Variants in ELFN1 observed in about 807,000 individuals in gnomAD.
The protein encoded by ELFN1 is protein ELFN1.
A neutral mutation model predicts 7.6 loss-of-function variants in ELFN1; 6 were observed. That is an observed-to-expected ratio of 0.79 (90% CI 0.43 to 1.56). The LOEUF is 1.56. ELFN1 is among the 40% of genes most tolerant of loss of function. ELFN1 has a pLI of 0.01. For missense variants in ELFN1, 1,169 were observed against 1,232.2 expected, an observed-to-expected ratio of 0.95 and a Z score of 0.77; for synonymous variants, 657 against 588.1, an observed-to-expected ratio of 1.12 and a Z score of -1.70.
rs1778816140 is a variant in ELFN1 at position 1,673,907 on chromosome 7, GAGAAGAGC to G, written c.-549+3554_-549+3561del. On this transcript the variant is annotated intron_variant, in intron 1 of 3. Coordinates refer to ENST00000424383, the MANE Select transcript of ELFN1 (RefSeq NM_001128636.4). This position sits in a 1 kb window ranked among gnomAD's most constrained non-coding sequence, Gnocchi z 4.7. ...TGGGGCAGCTGGGGTCTTGGTCTTG[GAGAAGAGC>G]TGGAACCCAGGCTGAGGCAGGAGGG... Among the ~76,000 whole-genome samples the G allele has an allele frequency of 6.6e-6, 1 of 152,206 alleles. No homozygotes were observed. Among genetic ancestry groups the G allele is most frequent in the Non-Finnish European group, 1.5e-5 (1 of 68,038 alleles).
At chr7:1,722,590 C>T (rs1457968853) in intron 3 of ELFN1, among the ~76,000 whole-genome samples, 1 of 151,912 alleles carries the variant, frequency 6.6e-6, no homozygotes. Flanking sequence ...TTTTTCAGTC[C>T]AACTTCCACT....
In ELFN1 at chr7:1,705,237, G is replaced by C. The variant is rs780351613; in HGVS notation, c.-455-3854G>C. On this transcript the variant is annotated intron_variant, in intron 2 of 3. Coordinates refer to ENST00000424383, the MANE Select transcript of ELFN1 (RefSeq NM_001128636.4). The surrounding 1 kb of genome is among the most constrained non-coding windows in gnomAD (Gnocchi z 4.3). ...GGGCGGCACAGCTGTGCGGGAGGCT[G>C]GGCTGCTGGCATCAGCAGGCGCCCC... Among the ~76,000 whole-genome samples, 1 of 152,124 alleles carries C rather than the reference G, an allele frequency of 6.6e-6. No individual in the cohort carries two copies. The highest frequency in any genetic ancestry group is 1.5e-5 in the Non-Finnish European group (1 of 68,010).
At position 1,721,818 on chromosome 7, in the gene ELFN1, C is replaced by T. The variant is rs149273050; in HGVS notation, c.-294+12566C>T. ...GGCAGAGGGAGGTCCTGGAAGGGAA[C>T]GAGAAGGCCCAAGCTCAAGTCTCCC... On this transcript the variant is annotated intron_variant, in intron 3 of 3. Coordinates refer to ENST00000424383, the MANE Select transcript of ELFN1 (RefSeq NM_001128636.4). Among the ~76,000 whole-genome samples the T allele has an allele frequency of 5.2e-3, 794 of 152,290 alleles. 6 individuals carry two copies. Among genetic ancestry groups the T allele is most frequent in the Middle Eastern group, 0.014 (4 of 294 alleles).
intron 2 of ELFN1, among the ~76,000 whole-genome samples, chr7:1,703,187 A>C (rs1779463087): frequency 1.3e-5 from 2 of 151,768 alleles, no homozygotes; most frequent in African/African-American, 4.8e-5. Flanking sequence ...AACCACCTGT[A>C]TTTTCTGTTT....
intron 1 of ELFN1, among the ~76,000 whole-genome samples, chr7:1,685,275 C>A (rs1779043289): frequency 6.6e-6 from 1 of 152,092 alleles, no homozygotes; most frequent in African/African-American, 2.4e-5. Context: ...TATGATGTGT[C>A]CAGGTTTGGA....
chr7:1,675,006 A>G (rs1163502780), intron 1 of ELFN1, among the ~76,000 whole-genome samples: 4 of 84,760 alleles, frequency 4.7e-5, no homozygotes, highest in Non-Finnish European at 8.9e-5. Flanking sequence ...ATCTGGGCTC[A>G]GCCCTGCTCC....
At chr7:1,716,524 G>T (rs908004694) in intron 3 of ELFN1, among the ~76,000 whole-genome samples, 4 of 152,208 alleles carry the variant, frequency 2.6e-5, no homozygotes, top group African/African-American at 7.2e-5. Context: ...TGTGCCCCAG[G>T]CTGGCCCGGC....
intron 1 of ELFN1, among the ~76,000 whole-genome samples, chr7:1,682,380 A>G (rs1164938834): frequency 6.6e-6 from 1 of 152,164 alleles, no homozygotes; most frequent in African/African-American, 2.4e-5. Context: ...TAAATGGAAA[A>G]GTTTATTTCT....
At chr7:1,708,731 G>A (rs1360406946) in intron 2 of ELFN1, among the ~76,000 whole-genome samples, 1 of 148,362 alleles carries the variant, frequency 6.7e-6, no homozygotes, top group Non-Finnish European at 1.5e-5. Context: ...AGCCCCAGAA[G>A]TGAGCCCCAC....
intron 1 of ELFN1, among the ~76,000 whole-genome samples, chr7:1,686,321 T>TC (rs1779062436): frequency 6.7e-6 from 1 of 150,006 alleles, no homozygotes. Context: ...GTTTTTTTTT[T>TC]TTTTTTTTTG....
chr7:1,719,772 G>A (rs866109034), intron 3 of ELFN1, among the ~76,000 whole-genome samples: 2 of 152,294 alleles, frequency 1.3e-5, no homozygotes, highest in Middle Eastern at 6.8e-3. Context: ...TAGGAGGTGG[G>A]GGGCCTCCCC....
intron 2 of ELFN1, among the ~76,000 whole-genome samples, chr7:1,703,400 T>C (rs1779467254): frequency 6.6e-6 from 1 of 152,242 alleles, no homozygotes; most frequent in Non-Finnish European, 1.5e-5. Flanking sequence ...ATCTGCCTCC[T>C]TTTTCTTTTA....
chr7:1,713,050 T>C (rs968638356), intron 3 of ELFN1, among the ~76,000 whole-genome samples: 4 of 152,152 alleles, frequency 2.6e-5, no homozygotes, highest in African/African-American at 9.7e-5. Context: ...GTTCTTTCCT[T>C]CCTCCCACAG....
chr7:1,697,927 GAGAC>G (rs1436997114), intron 2 of ELFN1, among the ~76,000 whole-genome samples: 5 of 152,224 alleles, frequency 3.3e-5, no homozygotes, highest in South Asian at 4.1e-4. Context: ...GAAGAAAGGA[GAGAC>G]AGACAGGGCA....
Position 1,745,236 on chromosome 7 carries a change from A to G in ELFN1, c.640A>G (p.Thr214Ala). Residue 214 changes from threonine to alanine, a missense_variant, in exon 4 of 4, where the codon ACG (threonine) becomes GCG (alanine). Thr to Ala is a moderately conservative substitution (Grantham distance 58). Around this residue, in one of 2 missense-constraint regions of ELFN1, gnomAD observed 255 missense variants for 359.6 expected, o/e 0.71. Transcript: ENST00000424383. ...GGCCGCCTTCACCAACGCCACACAG[A>G]CGTACGACCGCATGCAGTGCGAGTC... Reference protein sequence around the residue: ...WLAAFTNATQTYDRMQCESPP... With the variant: ...WLAAFTNATQAYDRMQCESPP... 1 of 1,541,052 alleles carries G rather than the reference A, an allele frequency of 6.5e-7. No homozygotes were observed. The highest frequency in any genetic ancestry group is 8.7e-7 in the Non-Finnish European group (1 of 1,146,858).
rs1047441792 is a variant in ELFN1 at position 1,670,732 on chromosome 7, C to G, written c.-549+378C>G. Reference sequence around the variant, plus strand: ...CGCCCCCCAGACGCGGCCCCCTGCCCTTCCCTTCCCGGAAATTAGGGGGCT... The same window carrying G: ...CGCCCCCCAGACGCGGCCCCCTGCCGTTCCCTTCCCGGAAATTAGGGGGCT... On this transcript the variant is annotated intron_variant, in intron 1 of 3. Transcript: ENST00000424383. This position sits in a 1 kb window ranked among gnomAD's most constrained non-coding sequence, Gnocchi z 6.4. Among the ~76,000 whole-genome samples the G allele has an allele frequency of 6.6e-6, 1 of 152,202 alleles. No individual in the cohort carries two copies. The highest frequency in any genetic ancestry group is 6.5e-5 in the Admixed American group (1 of 15,292).
intron 2 of ELFN1, among the ~76,000 whole-genome samples, chr7:1,702,802 TTTTG>T (rs1258454135): frequency 2.0e-5 from 3 of 151,372 alleles, no homozygotes; most frequent in Non-Finnish European, 4.4e-5. Context: ...ATCTTATAAT[TTTTG>T]TTTCTTTTTC....
At chr7:1,681,396 T>C (rs1213630426) in intron 1 of ELFN1, among the ~76,000 whole-genome samples, 2 of 152,156 alleles carry the variant, frequency 1.3e-5, no homozygotes, top group Non-Finnish European at 2.9e-5. Context: ...GGAGTCTCAC[T>C]CTGTCACCCA....
In ELFN1 at chr7:1,670,688, C is replaced by G. The variant is rs140021617; in HGVS notation, c.-549+334C>G. 1.3e-5 allele frequency among the ~76,000 whole-genome samples: 2 copies of G among 152,180 alleles called. No homozygotes were observed. Among genetic ancestry groups the G allele is most frequent in the African/African-American group, 4.8e-5 (2 of 41,456 alleles). On this transcript the variant is annotated intron_variant, in intron 1 of 3. Transcript: ENST00000424383. The surrounding 1 kb of genome is among the most constrained non-coding windows in gnomAD (Gnocchi z 6.4). ...CCTCTCTCCCTTCCGTCCCCCTTCG[C>G]CGTCCGCACCCTGCCCGGCGCCCCC...
Sources: allele counts gnomAD v4.1 joint callset (sites outside exome capture counted in the v4.1 genomes callset), GRCh38; gene constraint gnomAD v4.1.1; regional missense constraint gnomAD v4.1.1; non-coding constraint Gnocchi (gnomAD v3.1); transcripts MANE v1.5; gene names NCBI Gene and HGNC (gene_info 2026-07-23, HGNC 2026-07-21).